ADGRL3: variants seen among roughly 807,000 people sequenced by gnomAD.
ADGRL3 encodes calcium-independent alpha-latrotoxin receptor 3.
Under a neutral mutation model 153.5 loss-of-function variants are expected in ADGRL3, and 62 were observed. That is an observed-to-expected ratio of 0.40 (90% CI 0.33 to 0.50). The LOEUF is 0.50. ADGRL3 is among the 20% of genes least tolerant of loss of function. ADGRL3 has a pLI of 0.47. For missense variants in ADGRL3, 1,641 were observed against 1,859.4 expected (o/e 0.88, Z 2.16); for synonymous variants, 710 against 672.5 (o/e 1.06, Z -0.86).
chr4:62,045,831 A>T, intron 25 of ADGRL3, among the ~76,000 whole-genome samples: 1 of 152,136 alleles, frequency 6.6e-6, no homozygotes, highest in East Asian at 1.9e-4. Flanking sequence ...GTATTAAAAT[A>T]AAAGAGCTAC....
At chr4:61,792,300 C>T (rs1360747411) in intron 8 of ADGRL3, among the ~76,000 whole-genome samples, 1 of 152,072 alleles carries the variant, frequency 6.6e-6, no homozygotes, top group Non-Finnish European at 1.5e-5. Flanking sequence ...GGGCAAAATG[C>T]CACCAATCTC....
chr4:61,636,143 G>T (rs1448375213), intron 5 of ADGRL3, among the ~76,000 whole-genome samples: 3 of 152,030 alleles, frequency 2.0e-5, no homozygotes, highest in Admixed American at 6.6e-5. Flanking sequence ...CTGTCAACCT[G>T]TCTGAACAAA....
intron 4 of ADGRL3, among the ~76,000 whole-genome samples, chr4:61,522,857 G>T (rs1328456846): frequency 1.3e-5 from 2 of 152,054 alleles, no homozygotes; most frequent in African/African-American, 4.8e-5. Context: ...GAACATGCTT[G>T]CCAATATACC....
chr4:61,441,773 T>C (rs758763870), intron 2 of ADGRL3, among the ~76,000 whole-genome samples: 7 of 152,206 alleles, frequency 4.6e-5, no homozygotes, highest in Non-Finnish European at 7.3e-5. Flanking sequence ...TGGAATCAGA[T>C]TGATTCTGAT....
chr4:61,836,738 C>A (rs926642691), intron 9 of ADGRL3, among the ~76,000 whole-genome samples: 3 of 151,908 alleles, frequency 2.0e-5, no homozygotes, highest in South Asian at 2.1e-4. Context: ...TTCTGTTGAA[C>A]GTTTTATATG....
chr4:61,660,583 A>G (rs2094566440), intron 5 of ADGRL3, among the ~76,000 whole-genome samples: 1 of 152,116 alleles, frequency 6.6e-6, no homozygotes, highest in South Asian at 2.1e-4. Context: ...ATTCTCCCTA[A>G]CTAAATGGTT....
chr4:61,321,852 G>A, intron 1 of ADGRL3, among the ~76,000 whole-genome samples: 1 of 152,110 alleles, frequency 6.6e-6, no homozygotes, highest in South Asian at 2.1e-4. Context: ...AATTGTGGTT[G>A]TTTCAGAGAA....
chr4:61,403,218 G>A (rs1039149043), intron 2 of ADGRL3, among the ~76,000 whole-genome samples: 2 of 152,050 alleles, frequency 1.3e-5, no homozygotes, highest in Non-Finnish European at 2.9e-5. Flanking sequence ...AATCTCTGAA[G>A]TGGCAAATGT....
At chr4:61,344,953 AT>A (rs765250878) in intron 1 of ADGRL3, among the ~76,000 whole-genome samples, 495 of 138,078 alleles carry the variant, frequency 3.6e-3, no homozygotes, top group Middle Eastern at 3.8e-3. Flanking sequence ...TGCCTGGCTA[AT>A]TTTTTTTTTT....
At chr4:61,590,426 T>C (rs1204780890) in intron 5 of ADGRL3, among the ~76,000 whole-genome samples, 1 of 152,128 alleles carries the variant, frequency 6.6e-6, no homozygotes, top group East Asian at 1.9e-4. Flanking sequence ...ATATGAAAAT[T>C]ACAGTTTAGC....
intron 11 of ADGRL3, among the ~76,000 whole-genome samples, chr4:61,908,587 G>A (rs4860443): frequency 0.28 from 39,650 of 143,362 alleles, 5,611 homozygotes; most frequent in East Asian, 0.45. Context: ...CAGCCTGGGC[G>A]ACAAGAGCAA....
intron 2 of ADGRL3, among the ~76,000 whole-genome samples, chr4:61,423,594 G>A (rs2097237676): frequency 2.0e-5 from 3 of 152,198 alleles, no homozygotes; most frequent in Admixed American, 6.5e-5. Flanking sequence ...ATAAGTAGTG[G>A]AAAGGGACTA....
intron 9 of ADGRL3, among the ~76,000 whole-genome samples, chr4:61,814,724 C>T (rs1403754321): frequency 6.6e-6 from 1 of 152,118 alleles, no homozygotes; most frequent in African/African-American, 2.4e-5. Context: ...CTGGGAGTCT[C>T]TTATCCCTTC....
At chr4:61,232,792 G>T (rs1014370449) in intron 1 of ADGRL3, among the ~76,000 whole-genome samples, 1 of 152,066 alleles carries the variant, frequency 6.6e-6, no homozygotes, top group Non-Finnish European at 1.5e-5. Flanking sequence ...TTATTATGTA[G>T]GTAAAGACAC....
chr4:61,811,612 TA>T (rs1291831982), intron 8 of ADGRL3, among the ~76,000 whole-genome samples: 3 of 152,128 alleles, frequency 2.0e-5, no homozygotes, highest in African/African-American at 7.2e-5. Context: ...TTGTTTACAT[TA>T]AATGGGTGAG....
At chr4:61,657,218 C>T (rs2094465732) in intron 5 of ADGRL3, among the ~76,000 whole-genome samples, 1 of 151,960 alleles carries the variant, frequency 6.6e-6, no homozygotes, top group African/African-American at 2.4e-5. Flanking sequence ...GTGACTTTCC[C>T]TTAAGCTGAC....
chr4:61,235,573 C>G (rs927576681), intron 1 of ADGRL3, among the ~76,000 whole-genome samples: 12 of 152,080 alleles, frequency 7.9e-5, no homozygotes, highest in African/African-American at 2.9e-4. Context: ...TACTCCCAGG[C>G]CAGGAGTTTT....
intron 21 of ADGRL3, among the ~76,000 whole-genome samples, chr4:62,028,227 A>T (rs1405379885): frequency 6.6e-6 from 1 of 151,916 alleles, no homozygotes. Flanking sequence ...AAAAATTAGT[A>T]AACATAAGTG....
intron 14 of ADGRL3, 148 bp from the exon 15 acceptor site, chr4:61,935,775 A>G (rs1343890247): frequency 1.8e-5 from 13 of 730,198 alleles, no homozygotes; most frequent in Non-Finnish European, 2.7e-5. Context: ...AATACTAACA[A>G]TATATTTTCT....
Sources: gnomAD v4.1 joint callset for allele counts (sites outside exome capture counted in the v4.1 genomes callset) on GRCh38, gnomAD v4.1.1 for gene constraint, MANE v1.5 for transcripts, NCBI Gene and HGNC (gene_info 2026-07-23, HGNC 2026-07-21) for gene names.